CADM2: variants seen among roughly 807,000 people sequenced by gnomAD.
CADM2 encodes the protein cell adhesion molecule 2.
In CADM2, 12 loss-of-function variants were observed where a neutral mutation model predicts 49.8. That is an observed-to-expected ratio of 0.24 (90% CI 0.15 to 0.39). The LOEUF is 0.39. CADM2 is among the 10% of genes least tolerant of loss of function. CADM2 has a pLI of 1.00. For synonymous variants in CADM2, 214 were observed against 175.4 expected, an observed-to-expected ratio of 1.22 and a Z score of -1.74; for missense variants, 378 against 492.3, an observed-to-expected ratio of 0.77 and a Z score of 2.20.
chr3:85,998,167 G>A (rs1729666354), intron 8 of CADM2, among the ~76,000 whole-genome samples: 2 of 152,184 alleles, frequency 1.3e-5, no homozygotes, highest in South Asian at 2.1e-4. Flanking sequence ...GGGGGTAAGA[G>A]TAGAGAATCA....
At chr3:85,971,295 T>C (rs1726101383) in intron 8 of CADM2, among the ~76,000 whole-genome samples, 1 of 151,650 alleles carries the variant, frequency 6.6e-6, no homozygotes, top group Admixed American at 6.6e-5. Context: ...GTTTTGCTTT[T>C]AGAAGATCAA....
At chr3:85,714,719 C>G (rs983853094) in intron 1 of CADM2, among the ~76,000 whole-genome samples, 1 of 152,038 alleles carries the variant, frequency 6.6e-6, no homozygotes, top group Non-Finnish European at 1.5e-5. Context: ...TGTGAGCCAC[C>G]GCGCCTGGCC....
intron 1 of CADM2, among the ~76,000 whole-genome samples, chr3:85,359,976 A>G (rs1444858553): frequency 3.3e-5 from 5 of 151,688 alleles, no homozygotes; most frequent in Admixed American, 2.0e-4. Context: ...CATTTTTTCC[A>G]CAATGCCATT....
intron 1 of CADM2, among the ~76,000 whole-genome samples, chr3:85,184,706 A>G (rs976181884): frequency 3.9e-5 from 6 of 152,114 alleles, no homozygotes; most frequent in Non-Finnish European, 5.9e-5. Flanking sequence ...TAGCTGAATC[A>G]GATTAGGAAT....
chr3:85,124,480 C>CT (rs1032234545), intron 1 of CADM2, among the ~76,000 whole-genome samples: 1 of 151,902 alleles, frequency 6.6e-6, no homozygotes, highest in African/African-American at 2.4e-5. Context: ...TGGTGCATGC[C>CT]TGTAGTCCCA....
At chr3:85,352,029 G>A (rs2031400457) in intron 1 of CADM2, among the ~76,000 whole-genome samples, 1 of 152,032 alleles carries the variant, frequency 6.6e-6, no homozygotes, top group Non-Finnish European at 1.5e-5. Flanking sequence ...TATTGCTGTT[G>A]ACTTTGAGTA....
intron 1 of CADM2, among the ~76,000 whole-genome samples, chr3:85,070,618 A>G (rs1455531840): frequency 6.6e-6 from 1 of 152,194 alleles, no homozygotes; most frequent in Non-Finnish European, 1.5e-5. Context: ...AATAGAACAA[A>G]AAAAGGAACT....
chr3:85,459,814 T>C (rs1358087140), intron 1 of CADM2, among the ~76,000 whole-genome samples: 1 of 152,238 alleles, frequency 6.6e-6, no homozygotes, highest in African/African-American at 2.4e-5. Flanking sequence ...TTTTTGATTG[T>C]GGATGCCATT....
chr3:85,798,850 A>ATTT (rs1380607362), intron 2 of CADM2, among the ~76,000 whole-genome samples: 2 of 152,110 alleles, frequency 1.3e-5, no homozygotes, highest in Non-Finnish European at 2.9e-5. Flanking sequence ...GAATCTATAA[A>ATTT]TTACTTTGGA....
intron 1 of CADM2, among the ~76,000 whole-genome samples, chr3:85,212,159 A>T (rs2041795077): frequency 6.6e-6 from 1 of 151,824 alleles, no homozygotes; most frequent in African/African-American, 2.4e-5. Flanking sequence ...TGTTCAGTGT[A>T]TGTGTGTCTT....
chr3:85,262,068 GA>G (rs2107892713), intron 1 of CADM2, among the ~76,000 whole-genome samples: 1 of 151,972 alleles, frequency 6.6e-6, no homozygotes, highest in Non-Finnish European at 1.5e-5. Flanking sequence ...GTAACTTAAG[GA>G]ACTTCTGAAA....
At chr3:85,157,525 A>G (rs2040168504) in intron 1 of CADM2, among the ~76,000 whole-genome samples, 1 of 152,110 alleles carries the variant, frequency 6.6e-6, no homozygotes. Context: ...GAGCCCTCAG[A>G]AATAATGCCG....
At chr3:85,965,011 A>G (rs958688128) in intron 8 of CADM2, among the ~76,000 whole-genome samples, 52 of 151,744 alleles carry the variant, frequency 3.4e-4, no homozygotes, top group African/African-American at 1.2e-3. Context: ...CAAGATAAAA[A>G]CTAATTCACT....
intron 2 of CADM2, among the ~76,000 whole-genome samples, chr3:85,766,258 A>G (rs1207603345): frequency 6.6e-6 from 1 of 152,128 alleles, no homozygotes; most frequent in East Asian, 1.9e-4. Context: ...TACCTAGAGT[A>G]TATGTGCTCT....
At chr3:85,278,127 G>T (rs574432196) in intron 1 of CADM2, among the ~76,000 whole-genome samples, 2 of 148,288 alleles carry the variant, frequency 1.3e-5, no homozygotes, top group South Asian at 4.2e-4. Flanking sequence ...TTATACAGTT[G>T]CCCTACATTT....
At chr3:85,793,255 A>G (rs2071439777) in intron 2 of CADM2, among the ~76,000 whole-genome samples, 1 of 152,104 alleles carries the variant, frequency 6.6e-6, no homozygotes, top group Non-Finnish European at 1.5e-5. Flanking sequence ...AATTAAGAAC[A>G]TTATTTCTGC....
At chr3:85,158,895 C>T (rs914078380) in intron 1 of CADM2, among the ~76,000 whole-genome samples, 4 of 151,666 alleles carry the variant, frequency 2.6e-5, no homozygotes, top group African/African-American at 9.7e-5. Flanking sequence ...ATTAACACTG[C>T]ATTTATTTTA....
At chr3:85,115,686 G>A (rs1476944380) in intron 1 of CADM2, among the ~76,000 whole-genome samples, 1 of 152,162 alleles carries the variant, frequency 6.6e-6, no homozygotes, top group African/African-American at 2.4e-5. Context: ...CAAGGTAAAA[G>A]GTTATTAATA....
intron 1 of CADM2, among the ~76,000 whole-genome samples, chr3:85,353,396 T>G (rs2031541822): frequency 6.6e-6 from 1 of 152,136 alleles, no homozygotes; most frequent in Non-Finnish European, 1.5e-5. Context: ...TTCTTGCCCC[T>G]TAAAATTTAT....
Sources: gnomAD v4.1 joint callset for allele counts (sites outside exome capture counted in the v4.1 genomes callset) on GRCh38, gnomAD v4.1.1 for gene constraint, MANE v1.5 for transcripts, NCBI Gene and HGNC (gene_info 2026-07-23, HGNC 2026-07-21) for gene names.